SVIL: variants seen among roughly 807,000 people sequenced by gnomAD.
SVIL encodes the protein supervillin.
In SVIL, 101 loss-of-function variants were observed where a neutral mutation model predicts 240.4. That is an observed-to-expected ratio of 0.42 (90% CI 0.36 to 0.50). The LOEUF is 0.50. SVIL is among the 20% of genes least tolerant of loss of function. The probability of loss-of-function intolerance (pLI) is 0.01; values close to 1 mark genes in which losing one functional copy is unlikely to be tolerated. For missense variants in SVIL, 2,512 were observed against 2,818.7 expected (o/e 0.89, Z 2.46); for synonymous variants, 999 against 1,100.0 (o/e 0.91, Z 1.82).
At chr10:29,691,601 C>T (rs897148119) in intron 1 of SVIL, among the ~76,000 whole-genome samples, 4 of 152,172 alleles carry the variant, frequency 2.6e-5, no homozygotes, top group African/African-American at 9.7e-5. Context: ...TTAGTTTGTC[C>T]ACTAATCCTG....
At position 29,535,461 on chromosome 10, in the gene SVIL, C is replaced by G. The variant is rs571155476; in HGVS notation, c.908+528G>C. 3.3e-5 allele frequency among the ~76,000 whole-genome samples: 5 copies of G among 152,306 alleles called. 1 individual carries two copies. The South Asian group carries it at 1.0e-3, about 32-fold the overall frequency. On this transcript the variant is annotated intron_variant, in intron 7 of 37. Coordinates refer to ENST00000355867, the MANE Select transcript of SVIL (RefSeq NM_021738.3). Reference sequence around the variant, plus strand: ...ACTCATTCTGACTCCTTCCGCCTCTCCCTGCCCCCAGTCTTAAAAATGAAA... The same window carrying G: ...ACTCATTCTGACTCCTTCCGCCTCTGCCTGCCCCCAGTCTTAAAAATGAAA...
At chr10:29,557,281 G>C (rs1406247450) in intron 3 of SVIL, among the ~76,000 whole-genome samples, 1 of 135,888 alleles carries the variant, frequency 7.4e-6, no homozygotes, top group East Asian at 2.2e-4. Context: ...TGTCTTTTGT[G>C]GAGACGGGGT....
chr10:29,693,894 GT>G (rs1961712352), intron 1 of SVIL, among the ~76,000 whole-genome samples: 1 of 152,072 alleles, frequency 6.6e-6, no homozygotes, highest in African/African-American at 2.4e-5. Context: ...AAAATGGAGT[GT>G]TTTGGCCTAA....
chr10:29,696,938 A>C (rs1337174585), intron 1 of SVIL, among the ~76,000 whole-genome samples: 6 of 136,360 alleles, frequency 4.4e-5, no homozygotes, highest in Non-Finnish European at 7.8e-5. Flanking sequence ...CCCTCTGCCC[A>C]GCCAGACGCC....
At chr10:29,579,355 A>G (rs1275599342) in intron 1 of SVIL, among the ~76,000 whole-genome samples, 5 of 152,206 alleles carry the variant, frequency 3.3e-5, no homozygotes, top group Admixed American at 6.5e-5. Context: ...GGAGAATGGC[A>G]TGAACCCCAG....
At chr10:29,701,339 G>A (rs1962499817) in intron 1 of SVIL, among the ~76,000 whole-genome samples, 1 of 119,414 alleles carries the variant, frequency 8.4e-6, no homozygotes, top group African/African-American at 2.8e-5. Flanking sequence ...AGAGAATAAG[G>A]CCAATACCCA....
At chr10:29,461,759 G>A (rs1944285397) in intron 36 of SVIL, among the ~76,000 whole-genome samples, 1 of 152,162 alleles carries the variant, frequency 6.6e-6, no homozygotes, top group Non-Finnish European at 1.5e-5. Context: ...GAAATACCAG[G>A]TGGTCTCATA....
chr10:29,478,835 G>C (rs1233730963), intron 29 of SVIL, among the ~76,000 whole-genome samples: 1 of 150,276 alleles, frequency 6.7e-6, no homozygotes, highest in Non-Finnish European at 1.5e-5. Flanking sequence ...TGAGGCACGA[G>C]GATGGCTTGA....
intron 1 of SVIL, among the ~76,000 whole-genome samples, chr10:29,706,496 G>A (rs893870413): frequency 7.2e-5 from 11 of 152,156 alleles, no homozygotes; most frequent in East Asian, 5.8e-4. Flanking sequence ...ACATTTTGAT[G>A]GGTATTTTTT....
chr10:29,688,350 C>T (rs1205570186), intron 1 of SVIL, among the ~76,000 whole-genome samples: 1 of 152,206 alleles, frequency 6.6e-6, no homozygotes, highest in African/African-American at 2.4e-5. Context: ...CCATACCTCC[C>T]AGGTGATCAG....
intron 6 of SVIL, among the ~76,000 whole-genome samples, chr10:29,548,956 G>C (rs551604075): frequency 6.6e-6 from 1 of 152,128 alleles, no homozygotes; most frequent in Non-Finnish European, 1.5e-5. Context: ...ATAGGCATGG[G>C]CAAGGACTTC....
intron 30 of SVIL, among the ~76,000 whole-genome samples, chr10:29,472,462 T>G (rs1323073861): frequency 6.6e-6 from 1 of 152,244 alleles, no homozygotes; most frequent in East Asian, 1.9e-4. Flanking sequence ...TCGTTAATCA[T>G]TCATCCAGGA....
chr10:29,527,080 G>A, intron 12 of SVIL, 24 bp from the exon 13 acceptor site: 1 of 1,593,602 alleles, frequency 6.3e-7, no homozygotes, highest in Non-Finnish European at 8.6e-7. Context: ...TGCCAAAGAG[G>A]AAACATTCAT....
At chr10:29,722,035 C>T (rs890367940) in intron 1 of SVIL, among the ~76,000 whole-genome samples, 3 of 151,844 alleles carry the variant, frequency 2.0e-5, no homozygotes, top group Non-Finnish European at 4.4e-5. Flanking sequence ...GTCAGGAGTT[C>T]GAGACCAGCT....
chr10:29,664,691 T>TACACAC (rs4018670), intron 2 of SVIL, among the ~76,000 whole-genome samples: 5 of 150,296 alleles, frequency 3.3e-5, no homozygotes, highest in South Asian at 2.1e-4. Context: ...TATATATATA[T>TACACAC]ACACACACAC....
Position 29,524,595 on chromosome 10 carries a change from C to G in SVIL, c.2463G>C (p.Leu821Phe). The change falls in exon 14 of 38, where the codon TTG (leucine) becomes TTC (phenylalanine). Residue 821 changes from leucine (L) to phenylalanine (F), a missense_variant. Around this residue, in one of 3 missense-constraint regions of SVIL, gnomAD observed 1,443 missense variants for 1,486.6 expected, o/e 0.97. Transcript: ENST00000355867. ...AGACTGGCTGGGACAATTTGTTAAA[C>G]AAGGCCAACTTTTCGGCCAAGCTTA... is the stretch of plus-strand genomic sequence containing the variant. ...STLSLAEKLA[L>F]FNKLSQPVSK... 6.2e-7 allele frequency: 1 copy of G among 1,614,160 alleles called. No homozygotes were observed. Among genetic ancestry groups the G allele is most frequent in the Non-Finnish European group, 8.5e-7 (1 of 1,180,028 alleles).
chr10:29,640,060 T>C (rs1205807283), intron 3 of SVIL, among the ~76,000 whole-genome samples: 1 of 152,064 alleles, frequency 6.6e-6, no homozygotes, highest in Non-Finnish European at 1.5e-5. Context: ...GCCCCCAAAG[T>C]CCCTTGGGCC....
intron 6 of SVIL, among the ~76,000 whole-genome samples, chr10:29,544,035 T>G (rs1270166495): frequency 6.6e-6 from 1 of 152,200 alleles, no homozygotes; most frequent in Non-Finnish European, 1.5e-5. Flanking sequence ...GGCCAGGGGT[T>G]GCCCTTGGGT....
chr10:29,524,957 G>A (rs1007232976), intron 13 of SVIL, among the ~76,000 whole-genome samples: 3 of 151,986 alleles, frequency 2.0e-5, no homozygotes, highest in Admixed American at 6.6e-5. Context: ...TCTACAAAAC[G>A]AATTTCCTGT....
Sources: gnomAD v4.1 joint callset for allele counts (sites outside exome capture counted in the v4.1 genomes callset) on GRCh38, gnomAD v4.1.1 for gene constraint, gnomAD v4.1.1 regional missense constraint, MANE v1.5 for transcripts, NCBI Gene and HGNC (gene_info 2026-07-23, HGNC 2026-07-21) for gene names.